The following KIFC3 variants were observed in gnomAD, a reference collection of about 807,000 sequenced individuals.
KIFC3 encodes the protein kinesin family member C3, also known as kinesin-like protein KIFC3.
Under a neutral mutation model 101.8 loss-of-function variants are expected in KIFC3, and 60 were observed. The ratio of observed to expected loss-of-function variants is 0.59; its 90% CI spans 0.48 to 0.73. KIFC3 has a LOEUF of 0.73. KIFC3 is among the 30% of genes least tolerant of loss of function. KIFC3 has a pLI of 0.00. For missense variants in KIFC3, 966 were observed against 1,137.1 expected (o/e 0.85, Z 2.16); for synonymous variants, 476 against 482.7 (o/e 0.99, Z 0.18).
chr16:57,772,489 C>T (rs2051382372), intron 3 of KIFC3: 1 of 523,880 alleles, frequency 1.9e-6, no homozygotes, highest in Non-Finnish European at 3.5e-6. Flanking sequence ...GACAGCCTCC[C>T]GCACCCTCTC....
intron 3 of KIFC3, among the ~76,000 whole-genome samples, chr16:57,786,463 A>G (rs1271614365): frequency 2.0e-5 from 3 of 152,018 alleles, no homozygotes; most frequent in Admixed American, 6.5e-5. Flanking sequence ...CAGGGCGCCA[A>G]GAATGGCCAT....
intron 1 of KIFC3, chr16:57,810,518 C>G: frequency 3.8e-6 from 1 of 263,198 alleles, no homozygotes; most frequent in Non-Finnish European, 5.9e-6. Context: ...CCGCTGACAC[C>G]ACCAGCTTCC....
chr16:57,832,605 G>A (rs1212922146), intron 1 of KIFC3, among the ~76,000 whole-genome samples: 3 of 151,750 alleles, frequency 2.0e-5, no homozygotes, highest in Admixed American at 6.6e-5. Flanking sequence ...GTGAGCCACC[G>A]CGCCTGGCCG....
At chr16:57,861,190 C>A (rs1330235190) in intron 1 of KIFC3, among the ~76,000 whole-genome samples, 1 of 152,184 alleles carries the variant, frequency 6.6e-6, no homozygotes, top group African/African-American at 2.4e-5. Flanking sequence ...AAAACCTATT[C>A]TTAAACTAAG....
chr16:57,850,727 C>T (rs1001901370), intron 1 of KIFC3, among the ~76,000 whole-genome samples: 10 of 151,724 alleles, frequency 6.6e-5, no homozygotes, highest in East Asian at 5.9e-4. Context: ...CCACCCGCCT[C>T]GGCCTCCCAA....
intron 1 of KIFC3, among the ~76,000 whole-genome samples, chr16:57,809,607 C>T (rs534034964): frequency 8.5e-5 from 13 of 152,312 alleles, no homozygotes; most frequent in Admixed American, 7.2e-4. Flanking sequence ...ACCCACACAG[C>T]CCGTTCATTC....
Position 57,769,056 on chromosome 16 carries a change from GAT to G in KIFC3, c.1218+537_1218+538del, listed in dbSNP as rs2050835876. Among the ~76,000 whole-genome samples, 1 of 152,186 alleles carries G rather than the reference GAT, an allele frequency of 6.6e-6. No individual in the cohort carries two copies. The highest frequency in any genetic ancestry group is 2.4e-5 in the African/African-American group (1 of 41,442). ...TAGCATGTTTTTTGTTTGTTTTTGA[GAT>G]AAAGTCTCGCTGTCACACAGGCTGA... On this transcript the variant is annotated intron_variant, in intron 9 of 19. Transcript: ENST00000445690. This position sits in a 1 kb window ranked among gnomAD's most constrained non-coding sequence, Gnocchi z 4.3.
chr16:57,774,906 G>C (rs2051834779), intron 3 of KIFC3: 1 of 1,440,180 alleles, frequency 6.9e-7, no homozygotes, highest in Non-Finnish European at 9.1e-7. Context: ...CTCTTCAAAA[G>C]GTTGAAGTCT....
rs1555606352 is a variant in KIFC3 at position 57,769,927 on chromosome 16, C to T, written c.968G>A (p.Arg323Gln). ...QIAMYESELE[R>Q]AHGQMLEEMQ... is the part of the protein sequence containing the mutation. ...CTCCTCCAGCATCTGCCCATGGGCC[C>T]GCTCCAGCTCTGACTCGTACATGGC... Residue 323 changes from arginine to glutamine, a missense_variant, in exon 8 of 20, where the codon CGG (arginine) becomes CAG (glutamine). By Grantham distance (43) the Arg-to-Gln change is conservative (BLOSUM62 1). Coordinates refer to ENST00000445690, the MANE Select transcript of KIFC3 (RefSeq NM_001130100.2). This position sits in a 1 kb window ranked among gnomAD's most constrained non-coding sequence, Gnocchi z 4.3. The T allele has an allele frequency of 2.5e-6, 4 of 1,613,442 alleles. No individual in the cohort carries two copies. The highest frequency in any genetic ancestry group is 1.6e-4 in the Middle Eastern group (1 of 6,062).
At chr16:57,812,620 A>G (rs1448256121) in intron 1 of KIFC3, among the ~76,000 whole-genome samples, 1 of 152,082 alleles carries the variant, frequency 6.6e-6, no homozygotes, top group Non-Finnish European at 1.5e-5. Flanking sequence ...ACCTGAAGGA[A>G]TGTGGGGAGG....
intron 1 of KIFC3, chr16:57,814,027 C>T (rs891678988): frequency 3.7e-5 from 7 of 189,920 alleles, no homozygotes; most frequent in African/African-American, 1.4e-4. Flanking sequence ...TCTTGAACCA[C>T]TGCACCACAC....
intron 1 of KIFC3, among the ~76,000 whole-genome samples, chr16:57,855,810 G>T (rs560624186): frequency 2.0e-5 from 3 of 151,726 alleles, no homozygotes; most frequent in Admixed American, 6.6e-5. Context: ...GCTCAGCGTG[G>T]TGGCACACAC....
At chr16:57,811,090 C>A (rs1368506923) in intron 1 of KIFC3, among the ~76,000 whole-genome samples, 2 of 152,182 alleles carry the variant, frequency 1.3e-5, no homozygotes, top group Non-Finnish European at 2.9e-5. Flanking sequence ...TTGCTGAAAG[C>A]CTGATCCAAG....
chr16:57,819,107 C>T (rs2055296590), intron 1 of KIFC3, among the ~76,000 whole-genome samples: 1 of 152,154 alleles, frequency 6.6e-6, no homozygotes, highest in African/African-American at 2.4e-5. Context: ...CCACTGTCAG[C>T]CCCACCCCAG....
chr16:57,830,238 T>A (rs1216251304), intron 1 of KIFC3, among the ~76,000 whole-genome samples: 4 of 135,876 alleles, frequency 2.9e-5, no homozygotes, highest in African/African-American at 1.2e-4. Flanking sequence ...TTTTCTTTCT[T>A]TTTTTTTTTT....
At chr16:57,766,799 G>T in intron 10 of KIFC3, 75 bp downstream of exon 10, 2 of 933,450 alleles carry the variant, frequency 2.1e-6, no homozygotes, top group Admixed American at 1.9e-5. Context: ...ATGGTGGGGT[G>T]AGCTCCAAGC....
At chr16:57,789,314 A>C (rs1371020782) in intron 3 of KIFC3, among the ~76,000 whole-genome samples, 1 of 152,242 alleles carries the variant, frequency 6.6e-6, no homozygotes, top group Non-Finnish European at 1.5e-5. Flanking sequence ...GAACACAGGC[A>C]AAGGACTCGA....
At position 57,761,448 on chromosome 16, in the gene KIFC3, C is replaced by G. The variant is rs1343169704; in HGVS notation, c.1837G>C (p.Glu613Gln). 1.9e-6 allele frequency: 3 copies of G among 1,613,948 alleles called. No homozygotes were observed. The African/African-American group carries it at 4.0e-5, about 22-fold the overall frequency. The part of the protein sequence containing the change: ...SGQLYVPGLT[E>Q]FQVQSVDDIN... The stretch of plus-strand genomic sequence containing the variant: ...TCGTCCACGCTCTGCACTTGGAACT[C>G]AGTCAGCCCTGGTACATACAGCTGC... The change falls in exon 14 of 20, where the codon GAG becomes CAG. Residue 613 changes from glutamate (E) to glutamine (Q), a missense_variant. Glu to Gln is a conservative substitution (Grantham distance 29). Coordinates refer to ENST00000445690, the MANE Select transcript of KIFC3 (RefSeq NM_001130100.2).
chr16:57,810,359 C>T (rs781878726), intron 1 of KIFC3, among the ~76,000 whole-genome samples: 5 of 152,196 alleles, frequency 3.3e-5, no homozygotes, highest in Non-Finnish European at 7.3e-5. Context: ...TTCTGTGGTG[C>T]GCAGCCTCTC....
Sources: gnomAD v4.1 joint callset for allele counts (sites outside exome capture counted in the v4.1 genomes callset) on GRCh38, gnomAD v4.1.1 for gene constraint, Gnocchi (gnomAD v3.1) non-coding constraint, MANE v1.5 for transcripts, NCBI Gene and HGNC (gene_info 2026-07-23, HGNC 2026-07-21) for gene names.